The following PRMT8 variants were observed in gnomAD, a reference collection of about 807,000 sequenced individuals.
PRMT8 encodes the protein protein arginine methyltransferase 8, also known as protein arginine N-methyltransferase 8.
A neutral mutation model predicts 47.1 loss-of-function variants in PRMT8; 7 were observed. That is an observed-to-expected ratio of 0.15 (90% confidence interval 0.08 to 0.28). The LOEUF is 0.28. Ranked by LOEUF, PRMT8 falls within the 10% of genes least tolerant of loss-of-function variation. PRMT8 has a pLI of 1.00. For synonymous variants in PRMT8, 188 were observed against 186.5 expected (o/e 1.01, Z -0.07); for missense variants, 237 against 505.4 (o/e 0.47, Z 5.09).
intron 1 of PRMT8, among the ~76,000 whole-genome samples, chr12:3,539,268 T>C (rs1866177071): frequency 6.6e-6 from 1 of 152,232 alleles, no homozygotes; most frequent in South Asian, 2.1e-4. Flanking sequence ...GGTTTTATTA[T>C]GATTTGTGTT....
chr12:3,419,345 C>G (rs7975569), intron 1 of PRMT8, among the ~76,000 whole-genome samples: 38,581 of 152,150 alleles, frequency 0.25, 6,566 homozygotes, highest in African/African-American at 0.48. Flanking sequence ...GAACAGAGAG[C>G]AGGGAAGGGG....
chr12:3,493,672 T>C lies in PRMT8; in HGVS notation c.75+1972T>C, dbSNP rs985011869. On this transcript the variant is annotated intron_variant, in intron 1 of 9. Coordinates refer to ENST00000382622, the MANE Select transcript of PRMT8 (RefSeq NM_019854.5). This position sits in a 1 kb window ranked among gnomAD's most constrained non-coding sequence, Gnocchi z 8.2. ...AGGCAGAGCGCCGCGCGCCAGTCTA[T>C]TTTTACTTGCTTCCCCCGCCGCTCC... Among the ~76,000 whole-genome samples, 2 of 152,206 alleles carry C rather than the reference T, an allele frequency of 1.3e-5. No homozygotes were observed. The highest frequency in any genetic ancestry group is 4.8e-5 in the African/African-American group (2 of 41,450).
At chr12:3,425,399 G>T (rs1457000720) in intron 1 of PRMT8, among the ~76,000 whole-genome samples, 1 of 152,234 alleles carries the variant, frequency 6.6e-6, no homozygotes, top group Non-Finnish European at 1.5e-5. Context: ...AGAGAGGTAG[G>T]CCACTGGCCT....
chr12:3,420,454 G>T (rs577206853), intron 1 of PRMT8, among the ~76,000 whole-genome samples: 5 of 152,216 alleles, frequency 3.3e-5, no homozygotes, highest in Non-Finnish European at 7.3e-5. Flanking sequence ...CCCTTTGTAT[G>T]AGCCTCCATG....
intron 1 of PRMT8, among the ~76,000 whole-genome samples, chr12:3,474,136 C>T (rs1446640950): frequency 6.6e-6 from 1 of 152,174 alleles, no homozygotes; most frequent in Non-Finnish European, 1.5e-5. Flanking sequence ...CAGGGTAACC[C>T]CACTGCCTTC....
chr12:3,434,953 T>C (rs542240643), intron 1 of PRMT8, among the ~76,000 whole-genome samples: 2 of 149,412 alleles, frequency 1.3e-5, no homozygotes, highest in African/African-American at 2.5e-5. Context: ...CCAGTGAAGT[T>C]TGCTTTGCTT....
At chr12:3,441,287 A>G (rs1345844447) in intron 1 of PRMT8, among the ~76,000 whole-genome samples, 1 of 152,200 alleles carries the variant, frequency 6.6e-6, no homozygotes, top group Non-Finnish European at 1.5e-5. Context: ...TGTTTGTTTC[A>G]TAATGAATGT....
chr12:3,469,272 A>G, intron 1 of PRMT8: 1 of 431,326 alleles, frequency 2.3e-6, no homozygotes, highest in Non-Finnish European at 4.6e-6. Flanking sequence ...GTGCTGCCTC[A>G]CGACCCCCAC....
At position 3,550,792 on chromosome 12, in the gene PRMT8, A is replaced by G. The variant is rs553547200; in HGVS notation, c.417+701A>G. ...TCCTACCTATCCCCTGGCTCTCCCA[A>G]GGCAGCTTTGCCCAGCCTGATGACA... On this transcript the variant is annotated intron_variant, in intron 3 of 9. Transcript: ENST00000382622. This position sits in a 1 kb window ranked among gnomAD's most constrained non-coding sequence, Gnocchi z 5.1. 1.3e-5 allele frequency: 2 copies of G among 152,304 alleles called. No individual in the cohort carries two copies. The highest frequency in any genetic ancestry group is 4.8e-5 in the African/African-American group (2 of 41,552). 9.4% of individuals were successfully genotyped at this position (152,304 alleles called of 1,614,324 possible). A position where few individuals can be genotyped will look rare whatever the true frequency, so the allele number is the denominator to read the frequency against.
intron 3 of PRMT8, chr12:3,553,146 G>A (rs1284816141): frequency 9.9e-6 from 2 of 202,894 alleles, no homozygotes; most frequent in Non-Finnish European, 2.0e-5. Context: ...GGGTGGGAGG[G>A]GAAGAGAAAG....
chr12:3,425,344 C>T (rs192556147), intron 1 of PRMT8, among the ~76,000 whole-genome samples: 61 of 152,358 alleles, frequency 4.0e-4, no homozygotes, highest in Admixed American at 6.5e-4. Flanking sequence ...CTGGCAAGGC[C>T]CTCAAACATG....
Sources: allele counts gnomAD v4.1 joint callset (sites outside exome capture counted in the v4.1 genomes callset), GRCh38; gene constraint gnomAD v4.1.1; non-coding constraint Gnocchi (gnomAD v3.1); transcripts MANE v1.5; gene names NCBI Gene and HGNC (gene_info 2026-07-23, HGNC 2026-07-21).